The following SLC7A1 variants were observed in gnomAD, a reference collection of about 807,000 sequenced individuals.
The protein encoded by SLC7A1 is solute carrier family 7 member 1, also known as high affinity cationic amino acid transporter 1.
SLC7A1 carries 10 observed loss-of-function variants against 53.9 expected under a neutral mutation model. That is an observed-to-expected ratio of 0.19 (90% CI 0.11 to 0.31). The LOEUF (loss-of-function observed/expected upper bound fraction) is 0.31. Ranked by LOEUF, SLC7A1 falls within the 10% of genes least tolerant of loss-of-function variation. The pLI is 1.00. For missense variants in SLC7A1, 525 were observed against 827.2 expected, an observed-to-expected ratio of 0.63 and a Z score of 4.48; for synonymous variants, 342 against 338.7, an observed-to-expected ratio of 1.01 and a Z score of -0.11.
chr13:29,526,036 G>A (rs1038096088), intron 5 of SLC7A1, among the ~76,000 whole-genome samples: 17 of 152,202 alleles, frequency 1.1e-4, no homozygotes, highest in African/African-American at 3.4e-4. Context: ...GCTCAAGAGG[G>A]GGAGGATGAG....
chr13:29,565,609 C>CCA lies in SLC7A1; in HGVS notation c.-114-11751_-114-11750dup, dbSNP rs893164301. 7.9e-5 allele frequency among the ~76,000 whole-genome samples: 12 copies of CCA among 152,346 alleles called. No homozygotes were observed. In the East Asian group the frequency reaches 2.3e-3, roughly 29 times the overall value. ...TCTCCAGTGACTCAGTAAATCTGAT[C>CCA]CACATACCTTTATACTCAGGATCCC... On this transcript the variant is annotated intron_variant, in intron 1 of 12. Coordinates refer to ENST00000380752, the MANE Select transcript of SLC7A1 (RefSeq NM_003045.5).
intron 1 of SLC7A1, among the ~76,000 whole-genome samples, chr13:29,570,979 T>C (rs1287782436): frequency 2.0e-5 from 3 of 152,220 alleles, no homozygotes; most frequent in African/African-American, 4.8e-5. Flanking sequence ...ACCTGGTGCA[T>C]AGTATGCGCT....
At chr13:29,578,286 AG>A (rs1181785940) in intron 1 of SLC7A1, among the ~76,000 whole-genome samples, 1 of 151,838 alleles carries the variant, frequency 6.6e-6, no homozygotes, top group African/African-American at 2.4e-5. Context: ...GCACAACTGA[AG>A]TTTTTTTTTT....
At chr13:29,522,017 A>G (rs1868651027) in intron 8 of SLC7A1, among the ~76,000 whole-genome samples, 1 of 152,188 alleles carries the variant, frequency 6.6e-6, no homozygotes, top group South Asian at 2.1e-4. Flanking sequence ...CTACTCAGGG[A>G]AACGTCCAGA....
chr13:29,539,353 C>T (rs1313347893), intron 2 of SLC7A1, among the ~76,000 whole-genome samples: 2 of 152,152 alleles, frequency 1.3e-5, no homozygotes, highest in Non-Finnish European at 1.5e-5. Context: ...GGACAAATGA[C>T]GTCCATGGAG....
At chr13:29,539,074 G>A (rs1869549203) in intron 2 of SLC7A1, among the ~76,000 whole-genome samples, 1 of 152,208 alleles carries the variant, frequency 6.6e-6, no homozygotes. Flanking sequence ...TTCTTTCCTA[G>A]GCCTCACAGG....
At chr13:29,581,562 C>T (rs1436287997) in intron 1 of SLC7A1, among the ~76,000 whole-genome samples, 1 of 152,206 alleles carries the variant, frequency 6.6e-6, no homozygotes, top group Non-Finnish European at 1.5e-5. Context: ...AAGTCAGCTG[C>T]AAAGAGGCTT....
chr13:29,517,603 G>C lies in SLC7A1; in HGVS notation c.1480C>G (p.Leu494Val). 1 of 1,614,068 alleles carries C rather than the reference G, an allele frequency of 6.2e-7. No individual in the cohort carries two copies. The highest frequency in any genetic ancestry group is 8.5e-7 in the Non-Finnish European group (1 of 1,179,894). ...AGGCTGGTTGAAATGTTCACAATTA[G>C]CCCAGAGATTTTGGAAGGCTCCATG... ...KNMEPSKISG[L>V]IVNISTSLIA... Residue 494 changes from leucine (L) to valine (V), a missense_variant, in exon 10 of 13, where the codon CTA becomes GTA. Physicochemically the swap from Leu to Val is conservative, Grantham distance 32 (BLOSUM62 1). This residue lies in a region of SLC7A1 where 122 missense variants were observed against 140.9 expected (regional missense o/e 0.87). Coordinates refer to ENST00000380752, the MANE Select transcript of SLC7A1 (RefSeq NM_003045.5).
rs1868410206 is a variant in SLC7A1 at position 29,517,553 on chromosome 13, A to G, written c.1510+20T>C. ...ATGCAATGCCAACAAGCAAGGCCCC[A>G]GGGAAGGGCTAGCTCTTACCTATGA... On this transcript the variant is annotated intron_variant, in intron 10 of 12. Coordinates refer to ENST00000380752, the MANE Select transcript of SLC7A1 (RefSeq NM_003045.5). The G allele has an allele frequency of 6.3e-7, 1 of 1,586,992 alleles. No homozygotes were observed. Among genetic ancestry groups the G allele is most frequent in the African/African-American group, 1.3e-5 (1 of 74,338 alleles).
chr13:29,551,344 C>T (rs988852423), intron 2 of SLC7A1, among the ~76,000 whole-genome samples: 9 of 152,186 alleles, frequency 5.9e-5, no homozygotes, highest in Middle Eastern at 3.2e-3. Flanking sequence ...AAACAACAAG[C>T]GTGGCCAAGA....
intron 5 of SLC7A1, among the ~76,000 whole-genome samples, chr13:29,528,308 G>A (rs751227739): frequency 6.6e-6 from 1 of 152,228 alleles, no homozygotes; most frequent in Non-Finnish European, 1.5e-5. Flanking sequence ...CTATTGCTAT[G>A]TCCACAGAAC....
intron 5 of SLC7A1, among the ~76,000 whole-genome samples, chr13:29,526,385 T>C (rs762110916): frequency 4.6e-5 from 7 of 152,220 alleles, no homozygotes; most frequent in Admixed American, 2.0e-4. Flanking sequence ...GGCAAGAGGA[T>C]TGCTCGAGCC....
At chr13:29,534,638 G>C (rs2150689) in intron 3 of SLC7A1, among the ~76,000 whole-genome samples, 32,054 of 152,132 alleles carry the variant, frequency 0.21, 3,536 homozygotes, top group African/African-American at 0.22. Flanking sequence ...CCCATGCAGA[G>C]ATAGGGCTGT....
At chr13:29,541,266 G>A (rs1375146103) in intron 2 of SLC7A1, among the ~76,000 whole-genome samples, 2 of 152,178 alleles carry the variant, frequency 1.3e-5, no homozygotes, top group Non-Finnish European at 2.9e-5. Context: ...AAGGAGGTAG[G>A]CATGGTGTTA....
chr13:29,584,864 T>C (rs1566278372), intron 1 of SLC7A1, among the ~76,000 whole-genome samples: 2 of 152,234 alleles, frequency 1.3e-5, no homozygotes, highest in Admixed American at 6.5e-5. Context: ...AGTCAAAAAA[T>C]AACATTTCTA....
chr13:29,572,463 C>T (rs556348214), intron 1 of SLC7A1, among the ~76,000 whole-genome samples: 45 of 152,280 alleles, frequency 3.0e-4, no homozygotes, highest in African/African-American at 1.1e-3. Flanking sequence ...GGAAGAAACA[C>T]TCAGGACCCG....
chr13:29,591,087 G>T (rs1021851513), intron 1 of SLC7A1, among the ~76,000 whole-genome samples: 9 of 152,102 alleles, frequency 5.9e-5, no homozygotes, highest in Admixed American at 1.3e-4. Context: ...TCCAGCCTGG[G>T]TGACAGAGTG....
At chr13:29,525,212 C>T (rs567122838) in intron 5 of SLC7A1, among the ~76,000 whole-genome samples, 11 of 152,228 alleles carry the variant, frequency 7.2e-5, no homozygotes, top group African/African-American at 1.4e-4. Flanking sequence ...TGCTGCCACC[C>T]GAAAAGCAAT....
Position 29,524,232 on chromosome 13 carries a change from G to C in SLC7A1, c.726C>G (p.Pro242=). Residue 242 remains proline, a synonymous_variant, in exon 6 of 13, where the codon CCC becomes CCG. Transcript: ENST00000380752. ...CGAAGGGCATGAATCCACCAACACC[G>C]GGCTTCCCTTCTTTTGTGTCACTAG... is the stretch of plus-strand genomic sequence containing the variant. ...CLNNDTKEGK[P]GVGGFMPFGF... 1 of 1,614,108 alleles carries C rather than the reference G, an allele frequency of 6.2e-7. No homozygotes were observed. The highest frequency in any genetic ancestry group is 1.1e-5 in the South Asian group (1 of 91,082).
Sources: allele counts gnomAD v4.1 joint callset (sites outside exome capture counted in the v4.1 genomes callset), GRCh38; gene constraint gnomAD v4.1.1; regional missense constraint gnomAD v4.1.1; transcripts MANE v1.5; gene names NCBI Gene and HGNC (gene_info 2026-07-23, HGNC 2026-07-21).